MRPL22: variants seen among roughly 807,000 people sequenced by gnomAD.
The protein encoded by MRPL22 is large ribosomal subunit protein uL22m.
In MRPL22, 27 loss-of-function variants were observed where a neutral mutation model predicts 32.4. The ratio of observed to expected loss-of-function variants is 0.83; its 90% CI spans 0.61 to 1.15. The LOEUF (loss-of-function observed/expected upper bound fraction) is 1.15. MRPL22 is among the 50% of genes most tolerant of loss of function. The pLI is 0.00. For missense variants in MRPL22, 239 were observed against 260.2 expected (o/e 0.92, Z 0.56); for synonymous variants, 86 against 87.3 (o/e 0.99, Z 0.08).
At chr5:154,961,690 C>G (rs1764704254) in intron 6 of MRPL22, among the ~76,000 whole-genome samples, 1 of 151,966 alleles carries the variant, frequency 6.6e-6, no homozygotes, top group African/African-American at 2.4e-5. Flanking sequence ...TTTATTTTAT[C>G]TTTTTTTATT....
chr5:154,951,116 T>C (rs557287842), intron 3 of MRPL22, among the ~76,000 whole-genome samples, 178 bp downstream of exon 3: 1 of 152,366 alleles, frequency 6.6e-6, no homozygotes, highest in East Asian at 1.9e-4. Flanking sequence ...TCTTTACTTA[T>C]TTGTCTTTAC....
intron 3 of MRPL22, among the ~76,000 whole-genome samples, chr5:154,954,099 C>T (rs1764601420): frequency 6.6e-6 from 1 of 150,888 alleles, no homozygotes; most frequent in Admixed American, 6.6e-5. Flanking sequence ...AAGAGATCTT[C>T]CCACCTCAGC....
At chr5:154,956,310 T>A in intron 3 of MRPL22, 61 bp from the exon 4 acceptor site, 1 of 1,176,840 alleles carries the variant, frequency 8.5e-7, no homozygotes, top group Non-Finnish European at 1.3e-6. Context: ...TATATGTTAT[T>A]GTCATTTTGT....
At chr5:154,960,573 A>G (rs1764688834) in intron 6 of MRPL22, among the ~76,000 whole-genome samples, 1 of 152,220 alleles carries the variant, frequency 6.6e-6, no homozygotes, top group Admixed American at 6.5e-5. Context: ...TGTTTGTTCC[A>G]CTTTGTTACT....
In MRPL22 at chr5:154,947,495, T is replaced by C. The variant is rs183091239; in HGVS notation, c.78-3326T>C. On this transcript the variant is annotated intron_variant, in intron 2 of 6. Coordinates refer to ENST00000523037, the MANE Select transcript of MRPL22 (RefSeq NM_014180.4). The stretch of plus-strand genomic sequence containing the variant: ...GGTAAAAATGATACACTAGAATAGA[T>C]TTGTTTGAGTCTTTGGTCTAAATGG... Among the ~76,000 whole-genome samples the C allele has an allele frequency of 7.5e-4, 114 of 152,328 alleles. 1 individual carries two copies. Among genetic ancestry groups the C allele is most frequent in the African/African-American group, 2.6e-3 (107 of 41,584 alleles).
intron 2 of MRPL22, among the ~76,000 whole-genome samples, chr5:154,948,485 A>C (rs995343906): frequency 2.6e-5 from 4 of 151,384 alleles, no homozygotes; most frequent in African/African-American, 9.7e-5. Flanking sequence ...TATACCTTGG[A>C]TTTTACCGAG....
intron 6 of MRPL22, among the ~76,000 whole-genome samples, chr5:154,965,224 T>C (rs1764750523): frequency 6.6e-6 from 1 of 152,206 alleles, no homozygotes; most frequent in African/African-American, 2.4e-5. Flanking sequence ...TCCCTATATT[T>C]ATAAAGTATG....
chr5:154,961,964 G>A (rs927215979), intron 6 of MRPL22, among the ~76,000 whole-genome samples: 8 of 152,124 alleles, frequency 5.3e-5, no homozygotes, highest in Non-Finnish European at 7.4e-5. Flanking sequence ...TTAGGATTAC[G>A]GGCATAAGCC....
chr5:154,952,756 T>G (rs941325794), intron 3 of MRPL22, among the ~76,000 whole-genome samples: 1 of 152,214 alleles, frequency 6.6e-6, no homozygotes, highest in African/African-American at 2.4e-5. Flanking sequence ...ACAATGTCCC[T>G]TAGAATTTCC....
chr5:154,943,504 A>G (rs1764446715), intron 2 of MRPL22, among the ~76,000 whole-genome samples: 1 of 152,078 alleles, frequency 6.6e-6, no homozygotes, highest in Non-Finnish European at 1.5e-5. Context: ...TGTATTCCTC[A>G]TCTAAAAACA....
intron 6 of MRPL22, among the ~76,000 whole-genome samples, chr5:154,966,050 T>TA (rs544676651): frequency 3.9e-4 from 59 of 152,316 alleles, no homozygotes; most frequent in African/African-American, 1.4e-3. Context: ...TAGAATAAAA[T>TA]AAAAAACTCC....
intron 5 of MRPL22, 98 bp downstream of exon 5, chr5:154,957,310 A>G: frequency 1.0e-6 from 1 of 997,756 alleles, no homozygotes; most frequent in Non-Finnish European, 1.6e-6. Context: ...TGAATTCCCT[A>G]AATTTTCTGT....
intron 2 of MRPL22, among the ~76,000 whole-genome samples, chr5:154,948,419 C>CT (rs1384356716): frequency 1.3e-5 from 2 of 152,182 alleles, no homozygotes; most frequent in Non-Finnish European, 2.9e-5. Flanking sequence ...TCAACCCTCT[C>CT]TTTTTTTTCT....
rs199698582 is a variant in MRPL22 at position 154,941,236 on chromosome 5, C to A, written c.48C>A (p.Asn16Lys). The A allele has an allele frequency of 1.9e-6, 3 of 1,613,536 alleles. No homozygotes were observed. Among genetic ancestry groups the A allele is most frequent in the Admixed American group, 3.3e-5 (2 of 59,994 alleles). Residue 16 changes from asparagine (N) to lysine (K), a missense_variant, in exon 2 of 7, where the codon AAC (asparagine) becomes AAA (lysine). Asn to Lys is a moderately conservative substitution (Grantham distance 94, BLOSUM62 0). Transcript: ENST00000523037. ...TTGCAGGTGCGTTATGGATACATAACCTGAGGAGCCGGGGGAAGCTGGCCT... is the reference window on the plus strand; with the variant it reads ...TTGCAGGTGCGTTATGGATACATAAACTGAGGAGCCGGGGGAAGCTGGCCT... ...LGQLGALWIH[N>K]LRSRGKLALG... is the part of the protein sequence containing the mutation.
In MRPL22 at chr5:154,968,639, A is replaced by G. The variant is rs148405126; in HGVS notation, c.*1742A>G. 6.6e-6 allele frequency: 1 copy of G among 152,356 alleles called. No individual in the cohort carries two copies. The highest frequency in any genetic ancestry group is 2.4e-5 in the African/African-American group (1 of 41,586). 9.4% of individuals were successfully genotyped at this position (152,356 alleles called of 1,614,324 possible). A position where few individuals can be genotyped will look rare whatever the true frequency, so the allele number is the denominator to read the frequency against. On this transcript the variant is annotated 3_prime_UTR_variant, in exon 7 of 7. Transcript: ENST00000523037. ...AATGCCCCAGTGATTTGCATGTTGG[A>G]GAATTATCACACCAGGTCACTGTGC...
Position 154,969,225 on chromosome 5 carries a change from TAGTG to T in MRPL22, c.*2333_*2336del, listed in dbSNP as rs1764813697. Reference sequence around the variant, plus strand: ...GGTGTACCCCATGCTGTTCTCGTGATAGTGAGTGGGTTCTCATGAGATCTGATGG... The same window carrying T: ...GGTGTACCCCATGCTGTTCTCGTGATAGTGGGTTCTCATGAGATCTGATGG... On this transcript the variant is annotated 3_prime_UTR_variant, in exon 7 of 7. Transcript: ENST00000523037. 1 of 152,314 alleles carries T rather than the reference TAGTG, an allele frequency of 6.6e-6. No individual in the cohort carries two copies. The highest frequency in any genetic ancestry group is 1.5e-5 in the Non-Finnish European group (1 of 68,036). The allele number at this position is 152,314 out of a possible 1,614,324, so 9.4% of individuals were successfully genotyped here.
chr5:154,959,471 A>G (rs1284344036), intron 5 of MRPL22, among the ~76,000 whole-genome samples: 1 of 152,064 alleles, frequency 6.6e-6, no homozygotes, highest in African/African-American at 2.4e-5. Context: ...AGCCTTCCAC[A>G]TAGCTAGGAT....
Position 154,959,915 on chromosome 5 carries a change from G to A in MRPL22, c.340-65G>A, listed in dbSNP as rs1467900248. The A allele has an allele frequency of 2.6e-6, 3 of 1,150,196 alleles. No homozygotes were observed. In the East Asian group the frequency reaches 7.1e-5, roughly 27 times the overall value. 71.2% of individuals were successfully genotyped at this position (1,150,196 alleles called of 1,614,324 possible). A position where few individuals can be genotyped will look rare whatever the true frequency, so the allele number is the denominator to read the frequency against. On this transcript the variant is annotated intron_variant, in intron 5 of 6. Coordinates refer to ENST00000523037, the MANE Select transcript of MRPL22 (RefSeq NM_014180.4). ...TCATAGTACAGAGATAATGAGAGAT[G>A]AGAAACTTAATTCCATTTTACTTCA...
At chr5:154,953,085 G>T (rs942633445) in intron 3 of MRPL22, among the ~76,000 whole-genome samples, 6 of 152,130 alleles carry the variant, frequency 3.9e-5, no homozygotes, top group Admixed American at 1.3e-4. Context: ...AAGGCTGGGT[G>T]TGGTGGTTCA....
Sources: allele counts gnomAD v4.1 joint callset (sites outside exome capture counted in the v4.1 genomes callset), GRCh38; gene constraint gnomAD v4.1.1; transcripts MANE v1.5; gene names NCBI Gene and HGNC (gene_info 2026-07-23, HGNC 2026-07-21).